LMOD3: variants seen among roughly 807,000 people sequenced by gnomAD.
The protein encoded by LMOD3 is leiomodin 3.
Under a neutral mutation model 41.8 loss-of-function variants are expected in LMOD3, and 31 were observed. The observed-to-expected ratio is 0.74, with a 90% CI of 0.56 to 1.00. The LOEUF is 1.00. LMOD3 is among the 50% of genes least tolerant of loss of function. The probability of loss-of-function intolerance (pLI) is 0.00; values close to 1 mark genes in which losing one functional copy is unlikely to be tolerated. For synonymous variants in LMOD3, 292 were observed against 241.9 expected (o/e 1.21, Z -1.92); for missense variants, 755 against 679.5 (o/e 1.11, Z -1.23).
chr3:69,113,209 A>T (rs1335649070), intron 2 of LMOD3, among the ~76,000 whole-genome samples: 1 of 152,222 alleles, frequency 6.6e-6, no homozygotes, highest in East Asian at 1.9e-4. Context: ...GATAAGACAG[A>T]AAACTGGGAA....
At chr3:69,116,203 A>T (rs994889703) in intron 2 of LMOD3, among the ~76,000 whole-genome samples, 1 of 152,230 alleles carries the variant, frequency 6.6e-6, no homozygotes, top group Non-Finnish European at 1.5e-5. Flanking sequence ...AAGCAATCTG[A>T]TATTAGTGAA....
rs1475788193 is a variant in LMOD3, at chr3:69,107,477, T to G, written c.*1618A>C. 5 of 113,006 alleles carry G rather than the reference T, an allele frequency of 4.4e-5. No individual in the cohort carries two copies. The highest frequency in any genetic ancestry group is 1.5e-4 in the African/African-American group (4 of 26,822). The allele number at this position is 113,006 out of a possible 1,614,324, so 7.0% of individuals were successfully genotyped here. On this transcript the variant is annotated 3_prime_UTR_variant, in exon 3 of 3. Coordinates refer to ENST00000420581, the MANE Select transcript of LMOD3 (RefSeq NM_198271.5). ...GGTTTTTTTTTTTTTTTTTTTTTTT[T>G]TTTTTTTTTTTTTTTTTGAGATGGA...
intron 1 of LMOD3, 128 bp from the exon 2 acceptor site, chr3:69,120,188 T>TA: frequency 2.9e-6 from 3 of 1,040,234 alleles, no homozygotes; most frequent in Non-Finnish European, 3.9e-6. Flanking sequence ...AATCCTTATT[T>TA]AAATAGCTGA....
At position 69,106,549 on chromosome 3, in the gene LMOD3, T is replaced by C. The variant is rs894835518; in HGVS notation, c.*2546A>G. On this transcript the variant is annotated 3_prime_UTR_variant, in exon 3 of 3. Coordinates refer to ENST00000420581, the MANE Select transcript of LMOD3 (RefSeq NM_198271.5). ...CTGCTTCACCTCTTTTGGCAAAACC[T>C]GTGTATTGAGGCCATAAGCTATGAA... Among the ~76,000 whole-genome samples the C allele has an allele frequency of 2.6e-5, 4 of 152,178 alleles. No homozygotes were observed. The highest frequency in any genetic ancestry group is 2.0e-4 in the Admixed American group (3 of 15,272).
In LMOD3 at chr3:69,119,323, C is replaced by T. The variant is rs1245487789; in HGVS notation, c.1032G>A (p.Arg344=). The T allele has an allele frequency of 3.7e-6, 6 of 1,613,956 alleles. No homozygotes were observed. The highest frequency in any genetic ancestry group is 5.1e-6 in the Non-Finnish European group (6 of 1,179,892). ...CCAACATGTGCCTCTGATTGTGAAA[C>T]CGAAGCTCAGTTAGCGTCTCATTAA... The part of the protein sequence containing the change: ...LQFNETLTEL[R]FHNQRHMLGH... Residue 344 remains arginine, a synonymous_variant, in exon 2 of 3, where the codon CGG becomes CGA. Coordinates refer to ENST00000420581, the MANE Select transcript of LMOD3 (RefSeq NM_198271.5).
chr3:69,109,184 C>G (rs1190687212), intron 2 of LMOD3, 63 bp from the exon 3 acceptor site: 1 of 1,328,144 alleles, frequency 7.5e-7, no homozygotes, highest in African/African-American at 1.5e-5. Context: ...AGCTTTGCAG[C>G]AAAATTTACA....
chr3:69,109,001 G>A lies in LMOD3; in HGVS notation c.*94C>T, dbSNP rs1389746205. The A allele has an allele frequency of 2.8e-5, 31 of 1,104,052 alleles. No individual in the cohort carries two copies. The highest frequency in any genetic ancestry group is 4.0e-5 in the Non-Finnish European group (30 of 751,934). 68.4% of individuals were successfully genotyped at this position (1,104,052 alleles called of 1,614,324 possible). ...AGCATTGTTTCCAGTTCTGCCACGT[G>A]GATCCTAAAGTATTGCTGCTGACAT... is the stretch of plus-strand genomic sequence containing the variant. On this transcript the variant is annotated 3_prime_UTR_variant, in exon 3 of 3. Transcript: ENST00000420581.
In LMOD3 at chr3:69,118,754, G is replaced by T; in HGVS notation, c.1601C>A (p.Pro534His). 1 of 1,612,432 alleles carries T rather than the reference G, an allele frequency of 6.2e-7. No homozygotes were observed. Among genetic ancestry groups the T allele is most frequent in the Non-Finnish European group, 8.5e-7 (1 of 1,179,592 alleles). Residue 534 changes from proline (P) to histidine (H), a missense_variant, in exon 2 of 3, where the codon CCC (proline) becomes CAC (histidine). Transcript: ENST00000420581. ...NRPPPLVEIT[P>H]RDQLLNDIRH... ...AATGTCGTTTAGCAGCTGATCTCTG[G>T]GAGTGATTTCCACCAATGGGGGTGG...
chr3:69,119,362 C>T lies in LMOD3; in HGVS notation c.993G>A (p.Met331Ile), dbSNP rs2092394801. The stretch of plus-strand genomic sequence containing the variant: ...GCGTCTCATTAAACTGGAGACACCT[C>T]ATGATGGCCACAATCCCTTTACCTG... ...FITGKGIVAIMRCLQFNETLT... is the reference protein window; with the variant it reads ...FITGKGIVAIIRCLQFNETLT... Residue 331 changes from methionine (M) to isoleucine (I), a missense_variant, in exon 2 of 3, where the codon ATG becomes ATA. Met to Ile is a conservative substitution (Grantham distance 10). Coordinates refer to ENST00000420581, the MANE Select transcript of LMOD3 (RefSeq NM_198271.5). 6.2e-7 allele frequency: 1 copy of T among 1,613,992 alleles called. No homozygotes were observed. The highest frequency in any genetic ancestry group is 8.5e-7 in the Non-Finnish European group (1 of 1,179,878).
In LMOD3 at chr3:69,119,889, C is replaced by G. The variant is rs371587555; in HGVS notation, c.466G>C (p.Asp156His). 85 of 1,542,454 alleles carry G rather than the reference C, an allele frequency of 5.5e-5. No homozygotes were observed. Among genetic ancestry groups the G allele is most frequent in the Non-Finnish European group, 7.3e-5 (83 of 1,136,762 alleles). ...TCACCATCATCTTCTCCTTCGTCGTCATCATCATCATCTTCTTCTTCTTCA... is the reference window on the plus strand; with the variant it reads ...TCACCATCATCTTCTCCTTCGTCGTGATCATCATCATCTTCTTCTTCTTCA... ...EDEEEEDDDDDDEGEDDGEES... is the reference protein window; with the variant it reads ...EDEEEEDDDDHDEGEDDGEES... The change falls in exon 2 of 3, where the codon GAC becomes CAC. Residue 156 changes from aspartate (D) to histidine (H), a missense_variant. Asp to His is a moderately conservative substitution (Grantham distance 81, BLOSUM62 -1). Transcript: ENST00000420581.
chr3:69,118,583 C>T (rs1170018817), intron 2 of LMOD3, 116 bp downstream of exon 2: 2 of 1,192,880 alleles, frequency 1.7e-6, no homozygotes, highest in South Asian at 1.7e-5. Flanking sequence ...CATTGGCTTC[C>T]CCCAGTTGGT....
chr3:69,112,276 G>A (rs1055484975), intron 2 of LMOD3, among the ~76,000 whole-genome samples: 8 of 152,192 alleles, frequency 5.3e-5, no homozygotes, highest in Non-Finnish European at 1.0e-4. Context: ...AGGCAGAGCG[G>A]GTGGGAAAGT....
rs1412637125 is a variant in LMOD3, at chr3:69,110,786, T to TGACTCCGCCTC, written c.1657-1666_1657-1665insGAGGCGGAGTC. ...TGAACCCGGGAGGCAGAGGTTGCCT[T>TGACTCCGCCTC]GAGCTGGGATCCCACCACTGCACTC... is the stretch of plus-strand genomic sequence containing the variant. On this transcript the variant is annotated intron_variant, in intron 2 of 2. Transcript: ENST00000420581. Among the ~76,000 whole-genome samples, 180 of 139,484 alleles carry TGACTCCGCCTC rather than the reference T, an allele frequency of 1.3e-3. 1 individual carries two copies. Among genetic ancestry groups the TGACTCCGCCTC allele is most frequent in the African/African-American group, 4.6e-3 (168 of 36,788 alleles). The allele number at this position is 139,484 out of a possible 152,430, so 91.5% of individuals were successfully genotyped here.
At position 69,112,603 on chromosome 3, in the gene LMOD3, G is replaced by T. The variant is rs72924871; in HGVS notation, c.1657-3482C>A. ...TGGATAGATTCTAACAGAGATAGAA[G>T]AAAAGGTAATTTGAGGCAAAGGGTG... On this transcript the variant is annotated intron_variant, in intron 2 of 2. Transcript: ENST00000420581. Among the ~76,000 whole-genome samples, 1,292 of 152,330 alleles carry T rather than the reference G, an allele frequency of 8.5e-3. 20 individuals carry two copies. Among genetic ancestry groups the T allele is most frequent in the African/African-American group, 0.029 (1,220 of 41,570 alleles).
Position 69,108,999 on chromosome 3 carries a change from G to T in LMOD3, c.*96C>A. On this transcript the variant is annotated 3_prime_UTR_variant, in exon 3 of 3. Transcript: ENST00000420581. ...GTAGCATTGTTTCCAGTTCTGCCACGTGGATCCTAAAGTATTGCTGCTGAC... is the reference window on the plus strand; with the variant it reads ...GTAGCATTGTTTCCAGTTCTGCCACTTGGATCCTAAAGTATTGCTGCTGAC... 1 of 1,087,932 alleles carries T rather than the reference G, an allele frequency of 9.2e-7. No individual in the cohort carries two copies. The highest frequency in any genetic ancestry group is 1.4e-5 in the South Asian group (1 of 71,352). 67.4% of individuals were successfully genotyped at this position (1,087,932 alleles called of 1,614,324 possible).
rs1158257160 is a variant in LMOD3, at chr3:69,119,598, G to T, written c.757C>A (p.Pro253Thr). Reference protein sequence around the residue: ...GSLRRVRKNDPDMKELNLNNI... With the variant: ...GSLRRVRKNDTDMKELNLNNI... ...TTCAGGTTGAGTTCCTTCATGTCAG[G>T]ATCATTTTTCCTAACTCTCCTCAAG... Residue 253 changes from proline (P) to threonine (T), a missense_variant, in exon 2 of 3, where the codon CCT (proline) becomes ACT (threonine). Pro to Thr is a conservative substitution (Grantham distance 38). Coordinates refer to ENST00000420581, the MANE Select transcript of LMOD3 (RefSeq NM_198271.5). The T allele has an allele frequency of 6.2e-7, 1 of 1,613,696 alleles. No individual in the cohort carries two copies. Among genetic ancestry groups the T allele is most frequent in the Non-Finnish European group, 8.5e-7 (1 of 1,179,860 alleles).
At chr3:69,115,262 A>G (rs2092366297) in intron 2 of LMOD3, among the ~76,000 whole-genome samples, 1 of 152,124 alleles carries the variant, frequency 6.6e-6, no homozygotes, top group Non-Finnish European at 1.5e-5. Context: ...CGGAAGGATC[A>G]CTTGAGCTCA....
intron 2 of LMOD3, among the ~76,000 whole-genome samples, chr3:69,117,386 A>G (rs2092379594): frequency 6.6e-6 from 1 of 152,240 alleles, no homozygotes; most frequent in South Asian, 2.1e-4. Context: ...ATAAAAATTC[A>G]ACATGTTTTG....
chr3:69,117,853 G>A (rs1303632658), intron 2 of LMOD3, among the ~76,000 whole-genome samples: 1 of 124,580 alleles, frequency 8.0e-6, no homozygotes, highest in African/African-American at 3.3e-5. Context: ...TTTTTTTTTA[G>A]ATGGAGTCTC....
Sources: gnomAD v4.1 joint callset for allele counts (sites outside exome capture counted in the v4.1 genomes callset) on GRCh38, gnomAD v4.1.1 for gene constraint, MANE v1.5 for transcripts, NCBI Gene and HGNC (gene_info 2026-07-23, HGNC 2026-07-21) for gene names.